TTC28: variants seen among roughly 807,000 people sequenced by gnomAD.
The protein encoded by TTC28 is tetratricopeptide repeat domain 28.
TTC28 carries 61 observed loss-of-function variants against 198.0 expected under a neutral mutation model. That is an observed-to-expected ratio of 0.31 (90% CI 0.25 to 0.38). The LOEUF (loss-of-function observed/expected upper bound fraction) is 0.38. Among genes scored for constraint, TTC28 ranks in the 10% least tolerant of loss-of-function variants. The pLI, the probability that TTC28 is intolerant of heterozygous loss-of-function variation, is 1.00. For synonymous variants in TTC28, 1,171 were observed against 1,297.8 expected, an observed-to-expected ratio of 0.90 and a Z score of 2.10; for missense variants, 2,678 against 3,164.0, an observed-to-expected ratio of 0.85 and a Z score of 3.69.
At position 27,980,197 on chromosome 22, in the gene TTC28, G is replaced by T. The variant is rs1009350315; in HGVS notation, c.*2024C>A. 3 of 152,170 alleles carry T rather than the reference G, an allele frequency of 2.0e-5. No homozygotes were observed. The highest frequency in any genetic ancestry group is 7.2e-5 in the African/African-American group (3 of 41,410). 9.4% of individuals were successfully genotyped at this position (152,170 alleles called of 1,614,324 possible). ...CTGCATATGGATTTAGAAACTTGAG[G>T]TTTACTTTTCATTGTTAAGAACCTG... On this transcript the variant is annotated 3_prime_UTR_variant, in exon 23 of 23. Coordinates refer to ENST00000397906, the MANE Select transcript of TTC28 (RefSeq NM_001145418.2).
intron 5 of TTC28, among the ~76,000 whole-genome samples, chr22:28,270,055 G>T (rs1931953220): frequency 6.6e-6 from 1 of 152,186 alleles, no homozygotes; most frequent in Non-Finnish European, 1.5e-5. Flanking sequence ...CTAATGTGAG[G>T]ACCATGACCC....
intron 2 of TTC28, among the ~76,000 whole-genome samples, chr22:28,490,444 C>T (rs1205327807): frequency 6.6e-6 from 1 of 152,100 alleles, no homozygotes; most frequent in Non-Finnish European, 1.5e-5. Flanking sequence ...ATTGTGTGCT[C>T]GTTCTTTCAC....
intron 2 of TTC28, among the ~76,000 whole-genome samples, chr22:28,354,239 A>C (rs2046041493): frequency 1.3e-5 from 2 of 152,220 alleles, no homozygotes; most frequent in Non-Finnish European, 2.9e-5. Context: ...TGTTCATAAT[A>C]GCATTATTCA....
At chr22:28,341,506 A>T (rs1320957375) in intron 2 of TTC28, among the ~76,000 whole-genome samples, 1 of 152,094 alleles carries the variant, frequency 6.6e-6, no homozygotes, top group South Asian at 2.1e-4. Flanking sequence ...AAAAATAAAA[A>T]TTAGGCCAAG....
chr22:28,463,379 G>A (rs1385745397), intron 2 of TTC28, among the ~76,000 whole-genome samples: 1 of 152,126 alleles, frequency 6.6e-6, no homozygotes, highest in African/African-American at 2.4e-5. Context: ...TCTAGAGCTA[G>A]AAATACCATT....
chr22:28,443,335 A>G (rs1057132567), intron 2 of TTC28, among the ~76,000 whole-genome samples: 6 of 152,224 alleles, frequency 3.9e-5, no homozygotes, highest in African/African-American at 1.4e-4. Flanking sequence ...CTTCTCAAAA[A>G]AGATTAGACA....
chr22:28,391,678 G>T (rs1043948928), intron 2 of TTC28, among the ~76,000 whole-genome samples: 1 of 152,068 alleles, frequency 6.6e-6, no homozygotes, highest in African/African-American at 2.4e-5. Flanking sequence ...CTCGAGCCTT[G>T]GTTTTCAGCT....
intron 12 of TTC28, among the ~76,000 whole-genome samples, chr22:28,056,643 T>TA (rs918917079): frequency 6.6e-6 from 1 of 152,064 alleles, no homozygotes; most frequent in African/African-American, 2.4e-5. Context: ...TTATATACAA[T>TA]AAAAAATATA....
At position 28,107,698 on chromosome 22, in the gene TTC28, G is replaced by A; in HGVS notation, c.2147C>T (p.Ala716Val). ...SLNNSQAKFR[A>V]LGNLGDIFIC... ...GAATATATCGCCCAGGTTTCCTAGG[G>A]CTCGAAATTTAGCCTGGGAATTATT... The change falls in exon 7 of 23, where the codon GCC becomes GTC. Residue 716 changes from alanine to valine, a missense_variant. Ala to Val is a moderately conservative substitution (Grantham distance 64). Transcript: ENST00000397906. The A allele has an allele frequency of 6.4e-7, 1 of 1,551,734 alleles. No homozygotes were observed. The highest frequency in any genetic ancestry group is 1.4e-5 in the African/African-American group (1 of 73,152).
intron 2 of TTC28, among the ~76,000 whole-genome samples, chr22:28,325,669 A>G (rs1230172347): frequency 6.6e-6 from 1 of 152,192 alleles, no homozygotes. Flanking sequence ...CCCAATTTTT[A>G]AAATGGGCAA....
At position 28,105,772 on chromosome 22, in the gene TTC28, C is replaced by T. The variant is rs1255093026; in HGVS notation, c.2814G>A (p.Val938=). The part of the protein sequence containing the change: ...RAMGSLQQAL[V]CFEKRLVVAH... ...CAACCACGAGCCTCTTTTCAAAGCA[C>T]ACAAGGGCTTGCTGCAAGCTCCCCA... is the stretch of plus-strand genomic sequence containing the variant. Residue 938 remains valine (V), a synonymous_variant, in exon 8 of 23, where the codon GTG becomes GTA. Transcript: ENST00000397906. The T allele has an allele frequency of 2.6e-6, 4 of 1,551,364 alleles. No homozygotes were observed. The highest frequency in any genetic ancestry group is 3.5e-6 in the Non-Finnish European group (4 of 1,146,912).
At chr22:28,273,693 T>C (rs1052954318) in intron 5 of TTC28, among the ~76,000 whole-genome samples, 5 of 152,098 alleles carry the variant, frequency 3.3e-5, no homozygotes, top group Non-Finnish European at 5.9e-5. Context: ...TTTGAAGAGA[T>C]AGTAGCCAAG....
chr22:28,300,382 G>T (rs1355410124), intron 3 of TTC28, among the ~76,000 whole-genome samples: 1 of 152,130 alleles, frequency 6.6e-6, no homozygotes, highest in Non-Finnish European at 1.5e-5. Flanking sequence ...TCATCTAATT[G>T]AGCCTCTAAA....
At chr22:28,144,264 CCTGT>C (rs1435073368) in intron 6 of TTC28, among the ~76,000 whole-genome samples, 1 of 152,238 alleles carries the variant, frequency 6.6e-6, no homozygotes, top group Non-Finnish European at 1.5e-5. Flanking sequence ...CAAACCAGGG[CCTGT>C]CTAATACCAA....
At position 28,252,893 on chromosome 22, in the gene TTC28, C is replaced by T. The variant is rs140106673; in HGVS notation, c.933+43305G>A. 2.1e-3 allele frequency among the ~76,000 whole-genome samples: 319 copies of T among 152,226 alleles called. 6 individuals carry two copies. In the East Asian group the frequency reaches 0.051, roughly 24 times the overall value. On this transcript the variant is annotated intron_variant, in intron 5 of 22. Coordinates refer to ENST00000397906, the MANE Select transcript of TTC28 (RefSeq NM_001145418.2). ...AGCATAAAATGGGTAAAAAAACACC[C>T]AAATATACATCCTTCCTGTCAAATA...
intron 2 of TTC28, among the ~76,000 whole-genome samples, chr22:28,441,125 C>A (rs1324286774): frequency 6.6e-6 from 1 of 152,108 alleles, no homozygotes; most frequent in Non-Finnish European, 1.5e-5. Context: ...TTCCAGAGTC[C>A]AGAAATCCAC....
chr22:28,448,062 T>G (rs932782976), intron 2 of TTC28, among the ~76,000 whole-genome samples: 3 of 152,224 alleles, frequency 2.0e-5, no homozygotes, highest in Non-Finnish European at 4.4e-5. Context: ...AGGAATGATT[T>G]ATATAGAGCT....
chr22:28,028,101 G>A (rs1319537152), intron 13 of TTC28, among the ~76,000 whole-genome samples: 4 of 152,222 alleles, frequency 2.6e-5, no homozygotes, highest in South Asian at 2.1e-4. Flanking sequence ...ACATTGAAGC[G>A]AGAAGAACGC....
intron 2 of TTC28, among the ~76,000 whole-genome samples, chr22:28,392,295 G>A (rs961442005): frequency 3.9e-5 from 6 of 152,238 alleles, no homozygotes; most frequent in Admixed American, 1.3e-4. Flanking sequence ...CTGTCTTTTT[G>A]TTTGTCTGTG....
Sources: gnomAD v4.1 joint callset for allele counts (sites outside exome capture counted in the v4.1 genomes callset) on GRCh38, gnomAD v4.1.1 for gene constraint, MANE v1.5 for transcripts, NCBI Gene and HGNC (gene_info 2026-07-23, HGNC 2026-07-21) for gene names.